LSAMP: variants seen among roughly 807,000 people sequenced by gnomAD.
The protein encoded by LSAMP is limbic system-associated membrane protein.
Under a neutral mutation model 38.6 loss-of-function variants are expected in LSAMP, and 7 were observed. The ratio of observed to expected loss-of-function variants is 0.18; its 90% confidence interval spans 0.10 to 0.34. The LOEUF (loss-of-function observed/expected upper bound fraction) is 0.34, where lower values mean the gene tolerates loss of function less well. LSAMP is among the 10% of genes least tolerant of loss of function. The pLI is 1.00. For synonymous variants in LSAMP, 154 were observed against 166.8 expected (o/e 0.92, Z 0.59); for missense variants, 313 against 420.0 (o/e 0.75, Z 2.23).
At chr3:116,078,118 C>T (rs1176568938) in intron 2 of LSAMP, among the ~76,000 whole-genome samples, 2 of 152,072 alleles carry the variant, frequency 1.3e-5, no homozygotes, top group Non-Finnish European at 2.9e-5. Flanking sequence ...GCTACTTTAA[C>T]ATTATTCCTT....
chr3:116,098,148 T>C (rs1163746778), intron 1 of LSAMP, among the ~76,000 whole-genome samples: 2 of 152,056 alleles, frequency 1.3e-5, no homozygotes, highest in Non-Finnish European at 2.9e-5. Context: ...GCAAAGGAAA[T>C]GTAGTGGTCT....
intron 1 of LSAMP, among the ~76,000 whole-genome samples, chr3:116,207,075 A>C (rs1462962445): frequency 7.2e-5 from 11 of 151,852 alleles, no homozygotes; most frequent in Non-Finnish European, 1.0e-4. Flanking sequence ...TTGCTTTATG[A>C]ATCTGGGTGC....
At chr3:115,927,779 C>T (rs1044365581) in intron 3 of LSAMP, among the ~76,000 whole-genome samples, 1 of 152,184 alleles carries the variant, frequency 6.6e-6, no homozygotes, top group Admixed American at 6.5e-5. Context: ...CCTTCGTCCC[C>T]TCCATACACT....
chr3:116,109,976 A>T lies in LSAMP; in HGVS notation c.156-23420T>A, dbSNP rs539190568. On this transcript the variant is annotated intron_variant, in intron 1 of 6. Coordinates refer to ENST00000490035, the MANE Select transcript of LSAMP (RefSeq NM_002338.5). ...ATAAGAGGTCGGGGTGTGGAAATAA[A>T]GGATTGGGGCACAGAGATAAGAGGT... Among the ~76,000 whole-genome samples, 7 of 125,316 alleles carry T rather than the reference A, an allele frequency of 5.6e-5. No homozygotes were observed. The South Asian group carries it at 2.0e-3, about 36-fold the overall frequency. The allele number at this position is 125,316 out of a possible 152,430, so 82.2% of individuals were successfully genotyped here.
intron 1 of LSAMP, among the ~76,000 whole-genome samples, chr3:116,140,906 A>T (rs1709354444): frequency 6.6e-6 from 1 of 151,968 alleles, no homozygotes; most frequent in African/African-American, 2.4e-5. Flanking sequence ...AGAAAAGAAG[A>T]GGGAGAAGGA....
intron 1 of LSAMP, among the ~76,000 whole-genome samples, chr3:116,128,468 C>T (rs1253930729): frequency 2.6e-5 from 4 of 152,186 alleles, no homozygotes; most frequent in Non-Finnish European, 5.9e-5. Context: ...CATACTATAT[C>T]CATGGGTGAG....
At position 116,232,699 on chromosome 3, in the gene LSAMP, C is replaced by CTTTTTTTTTTTTTTTTTTTT. The variant is rs1219296323; in HGVS notation, c.156-146144_156-146143insAAAAAAAAAAAAAAAAAAAA. Among the ~76,000 whole-genome samples the CTTTTTTTTTTTTTTTTTTTT allele has an allele frequency of 5.2e-4, 52 of 99,444 alleles. 1 individual carries two copies. The highest frequency in any genetic ancestry group is 9.3e-4 in the Admixed American group (7 of 7,500). 65.2% of individuals were successfully genotyped at this position (99,444 alleles called of 152,430 possible). A position where few individuals can be genotyped will look rare whatever the true frequency, so the allele number is the denominator to read the frequency against. On this transcript the variant is annotated intron_variant, in intron 1 of 6. Coordinates refer to ENST00000490035, the MANE Select transcript of LSAMP (RefSeq NM_002338.5). ...TTAATTTTCTTTTCTTTCTTTCTTT[C>CTTTTTTTTTTTTTTTTTTTT]TTTTTTTTTTTTTTTTTCCAGCAGG...
chr3:116,058,656 T>C (rs902850900), intron 2 of LSAMP, among the ~76,000 whole-genome samples: 2 of 152,194 alleles, frequency 1.3e-5, no homozygotes, highest in Non-Finnish European at 2.9e-5. Context: ...CATTTGAACA[T>C]TCAGAGTCTT....
At chr3:116,214,459 G>A (rs547657094) in intron 1 of LSAMP, among the ~76,000 whole-genome samples, 42 of 141,982 alleles carry the variant, frequency 3.0e-4, no homozygotes, top group African/African-American at 1.1e-3. Context: ...TGAGTTTTCT[G>A]TTTATAATGT....
intron 1 of LSAMP, among the ~76,000 whole-genome samples, chr3:116,346,920 C>A (rs2048070605): frequency 6.6e-6 from 1 of 152,100 alleles, no homozygotes. Flanking sequence ...GATTAAATAG[C>A]ACAACTCATC....
intron 1 of LSAMP, among the ~76,000 whole-genome samples, chr3:116,319,504 A>T (rs564089202): frequency 6.6e-6 from 1 of 152,364 alleles, no homozygotes; most frequent in South Asian, 2.1e-4. Context: ...TTAGTCACCT[A>T]GCTAATACAT....
intron 1 of LSAMP, among the ~76,000 whole-genome samples, chr3:116,280,201 A>T (rs2047110418): frequency 6.6e-6 from 1 of 152,228 alleles, no homozygotes; most frequent in South Asian, 2.1e-4. Flanking sequence ...TTTAATCTTC[A>T]CATATTTCAC....
At chr3:116,389,493 T>G (rs918891767) in intron 1 of LSAMP, among the ~76,000 whole-genome samples, 1 of 152,324 alleles carries the variant, frequency 6.6e-6, no homozygotes, top group South Asian at 2.1e-4. Context: ...AAAACAGGCC[T>G]GTATTCCTTG....
intron 1 of LSAMP, among the ~76,000 whole-genome samples, chr3:116,277,607 C>T (rs2047073422): frequency 6.6e-6 from 1 of 152,190 alleles, no homozygotes; most frequent in Non-Finnish European, 1.5e-5. Flanking sequence ...TCCTGACCTC[C>T]TGATCTGCCG....
intron 2 of LSAMP, among the ~76,000 whole-genome samples, chr3:116,020,798 T>C (rs1011440373): frequency 6.6e-6 from 1 of 152,344 alleles, no homozygotes; most frequent in East Asian, 1.9e-4. Flanking sequence ...TCTTCTTTTT[T>C]ACTCACTTGT....
intron 1 of LSAMP, among the ~76,000 whole-genome samples, chr3:116,296,551 T>C (rs917634610): frequency 1.5e-4 from 23 of 151,874 alleles, no homozygotes; most frequent in African/African-American, 5.5e-4. Context: ...GGCATGGTGG[T>C]GGGTGCCGTG....
chr3:115,963,066 T>G (rs1938681951), intron 3 of LSAMP, among the ~76,000 whole-genome samples: 1 of 152,222 alleles, frequency 6.6e-6, no homozygotes, highest in Non-Finnish European at 1.5e-5. Context: ...TTAAATGGTT[T>G]TTTTTCCTCA....
intron 3 of LSAMP, among the ~76,000 whole-genome samples, chr3:115,940,178 C>T (rs957126898): frequency 3.3e-5 from 5 of 152,106 alleles, no homozygotes; most frequent in South Asian, 2.1e-4. Flanking sequence ...AAAGCTAGTA[C>T]GGACCCAAAG....
At chr3:116,394,576 C>T (rs1279971560) in intron 1 of LSAMP, among the ~76,000 whole-genome samples, 1 of 152,162 alleles carries the variant, frequency 6.6e-6, no homozygotes, top group East Asian at 1.9e-4. Context: ...TAGAGCATGA[C>T]TCAGACCAGC....
Sources: allele counts gnomAD v4.1 joint callset (sites outside exome capture counted in the v4.1 genomes callset), GRCh38; gene constraint gnomAD v4.1.1; transcripts MANE v1.5; gene names NCBI Gene and HGNC (gene_info 2026-07-23, HGNC 2026-07-21).